PHKA1: variants seen among roughly 807,000 people sequenced by gnomAD.
The protein encoded by PHKA1 is phosphorylase b kinase regulatory subunit alpha, skeletal muscle isoform.
PHKA1 carries 60 observed loss-of-function variants against 110.2 expected under a neutral mutation model. That is an observed-to-expected ratio of 0.54 (90% confidence interval 0.44 to 0.68). The LOEUF (loss-of-function observed/expected upper bound fraction) is 0.68, where lower values mean the gene tolerates loss of function less well. Among genes scored for constraint, PHKA1 ranks in the 30% least tolerant of loss-of-function variants. The pLI, the probability that PHKA1 is intolerant of heterozygous loss-of-function variation, is 0.00. For missense variants in PHKA1, 801 were observed against 942.5 expected (o/e 0.85, Z 1.97); for synonymous variants, 316 against 333.6 (o/e 0.95, Z 0.58).
intron 4 of PHKA1, among the ~76,000 whole-genome samples, chrX:72,686,398 C>T (rs1556318877): frequency 8.9e-6 from 1 of 112,159 alleles, no homozygotes; most frequent in Non-Finnish European, 1.9e-5. Context: ...AAGGGTAGTA[C>T]TGTATATTAT....
intron 25 of PHKA1, among the ~76,000 whole-genome samples, chrX:72,603,435 C>T (rs1274392988): frequency 9.0e-6 from 1 of 111,654 alleles, no homozygotes; most frequent in Non-Finnish European, 1.9e-5. Context: ...TGTGGATTAG[C>T]GAGGTAATTG....
chrX:72,626,170 AAG>A (rs1278557021), intron 17 of PHKA1, among the ~76,000 whole-genome samples: 2 of 108,068 alleles, frequency 1.9e-5, no homozygotes, highest in African/African-American at 6.8e-5. Flanking sequence ...TGTAGGGAGG[AAG>A]AGAGAAAGGA....
At chrX:72,634,872 T>C (rs1241362730) in intron 16 of PHKA1, among the ~76,000 whole-genome samples, 1 of 112,143 alleles carries the variant, frequency 8.9e-6, no homozygotes, top group East Asian at 2.8e-4. Flanking sequence ...AACTATTCAA[T>C]TATAGCTCTG....
At chrX:72,638,855 A>C (rs1556293422) in intron 14 of PHKA1, among the ~76,000 whole-genome samples, 1 of 111,826 alleles carries the variant, frequency 8.9e-6, no homozygotes, top group Non-Finnish European at 1.9e-5. Context: ...CCCTTACTTC[A>C]TGCAAGCAAA....
At position 72,622,559 on chromosome X, in the gene PHKA1, T is replaced by C. The variant is rs782740760; in HGVS notation, c.1960+550A>G. ...GCCCCTGCAATGCTTTCTCACTATA[T>C]CACCTTTGTATTGCTAGAAGCCAAT... On this transcript the variant is annotated intron_variant, in intron 18 of 31. Coordinates refer to ENST00000373542, the MANE Select transcript of PHKA1 (RefSeq NM_002637.4). 2.4e-3 allele frequency: 1,829 copies of C among 751,786 alleles called. 1 individual carries two copies. Among genetic ancestry groups the C allele is most frequent in the Non-Finnish European group, 2.8e-3 (1,764 of 638,401 alleles). The allele number at this position is 751,786 out of a possible 1,213,427, so 62.0% of individuals were successfully genotyped here. A position where few individuals can be genotyped will look rare whatever the true frequency, so the allele number is the denominator to read the frequency against.
At chrX:72,596,812 A>C (rs2052595251) in intron 28 of PHKA1, among the ~76,000 whole-genome samples, 1 of 111,725 alleles carries the variant, frequency 9.0e-6, no homozygotes, top group Non-Finnish European at 1.9e-5. Context: ...TTTAAAAAGA[A>C]GACTGAAGTT....
At chrX:72,645,280 CCT>C (rs782796716) in intron 13 of PHKA1, among the ~76,000 whole-genome samples, 126 of 112,442 alleles carry the variant, frequency 1.1e-3, no homozygotes, top group African/African-American at 3.9e-3. Flanking sequence ...GCAAATGTGC[CCT>C]CTACTCCTGC....
chrX:72,654,797 A>ATT (rs141785619), intron 10 of PHKA1, among the ~76,000 whole-genome samples: 111 of 93,734 alleles, frequency 1.2e-3, no homozygotes, highest in African/African-American at 3.9e-3. Flanking sequence ...TAGCATGGTG[A>ATT]TTTTTTTTTT....
chrX:72,681,367 G>C (rs374815504), intron 5 of PHKA1, among the ~76,000 whole-genome samples: 1 of 107,735 alleles, frequency 9.3e-6, no homozygotes, highest in Non-Finnish European at 2.0e-5. Context: ...CTCTCCGCCC[G>C]GCAGCCACCC....
At chrX:72,601,509 C>T (rs1233144296) in intron 28 of PHKA1, among the ~76,000 whole-genome samples, 2 of 110,750 alleles carry the variant, frequency 1.8e-5, no homozygotes, top group Admixed American at 1.9e-4. Flanking sequence ...TGGACATCAC[C>T]TGGGGGTGGT....
At chrX:72,676,958 G>C in intron 5 of PHKA1, among the ~76,000 whole-genome samples, 1 of 111,601 alleles carries the variant, frequency 9.0e-6, no homozygotes, top group Non-Finnish European at 1.9e-5. Flanking sequence ...CCAAACTATG[G>C]ACTTTATTTG....
intron 9 of PHKA1, 43 bp from the exon 10 acceptor site, chrX:72,656,285 A>G: frequency 8.5e-7 from 1 of 1,176,389 alleles, no homozygotes; most frequent in South Asian, 1.8e-5. Context: ...CAGAGGTTAG[A>G]TGTATATCTT....
chrX:72,605,738 CA>C, intron 23 of PHKA1, 119 bp from the exon 24 acceptor site: 2 of 547,563 alleles, frequency 3.7e-6, no homozygotes, highest in Middle Eastern at 1.1e-3. Context: ...TCATCATTAC[CA>C]ATAGCATTCT....
chrX:72,678,409 A>G (rs2053805752), intron 5 of PHKA1, among the ~76,000 whole-genome samples: 2 of 112,377 alleles, frequency 1.8e-5, no homozygotes, highest in African/African-American at 6.5e-5. Context: ...AGTTAAAGTG[A>G]AGTTTCAGGA....
At chrX:72,698,975 G>A (rs1337520443) in intron 3 of PHKA1, among the ~76,000 whole-genome samples, 3 of 111,596 alleles carry the variant, frequency 2.7e-5, no homozygotes, top group Non-Finnish European at 5.6e-5. Context: ...AAATAATTAC[G>A]TAAATGTAAT....
chrX:72,674,218 T>C (rs1159319762), intron 6 of PHKA1, among the ~76,000 whole-genome samples: 5 of 110,900 alleles, frequency 4.5e-5, no homozygotes, highest in Non-Finnish European at 9.4e-5. Flanking sequence ...GTTGGACATG[T>C]GGGTTGGTTC....
chrX:72,613,620 T>C (rs1169260961), intron 21 of PHKA1, among the ~76,000 whole-genome samples: 3 of 112,042 alleles, frequency 2.7e-5, no homozygotes, highest in Non-Finnish European at 3.8e-5. Context: ...GAGCAAAAGT[T>C]TGAAGAGTAA....
At chrX:72,650,562 C>A (rs2053417739) in intron 12 of PHKA1, 94 bp from the exon 13 acceptor site, 1 of 679,340 alleles carries the variant, frequency 1.5e-6, no homozygotes, top group Non-Finnish European at 2.3e-6. Context: ...TAACCTTGCA[C>A]CATAACATTC....
intron 6 of PHKA1, among the ~76,000 whole-genome samples, chrX:72,669,874 A>C (rs1172337312): frequency 9.0e-6 from 1 of 110,951 alleles, no homozygotes; most frequent in African/African-American, 3.3e-5. Flanking sequence ...AGCATGATTT[A>C]TAATCCTTTG....
Sources: gnomAD v4.1 joint callset for allele counts (sites outside exome capture counted in the v4.1 genomes callset) on GRCh38, gnomAD v4.1.1 for gene constraint, MANE v1.5 for transcripts, NCBI Gene and HGNC (gene_info 2026-07-23, HGNC 2026-07-21) for gene names.